The following PXDNL variants were observed in gnomAD, a reference collection of about 807,000 sequenced individuals.
The protein encoded by PXDNL is probable oxidoreductase PXDNL.
In PXDNL, 145 loss-of-function variants were observed where a neutral mutation model predicts 150.8. The observed-to-expected ratio is 0.96, with a 90% CI of 0.84 to 1.10. PXDNL has a LOEUF of 1.10. PXDNL is among the 50% of genes least tolerant of loss of function. PXDNL has a pLI of 0.00. For missense variants in PXDNL, 2,087 were observed against 1,873.9 expected, an observed-to-expected ratio of 1.11 and a Z score of -2.10; for synonymous variants, 757 against 725.7, an observed-to-expected ratio of 1.04 and a Z score of -0.69.
intron 2 of PXDNL, among the ~76,000 whole-genome samples, chr8:51,636,751 T>C (rs1210194657): frequency 2.6e-5 from 4 of 151,792 alleles, no homozygotes; most frequent in African/African-American, 9.7e-5. Context: ...AGATTACAAC[T>C]ACCAAAGTGA....
intron 1 of PXDNL, among the ~76,000 whole-genome samples, chr8:51,695,733 T>C (rs543757733): frequency 6.6e-6 from 1 of 152,310 alleles, no homozygotes; most frequent in South Asian, 2.1e-4. Flanking sequence ...TAAGAAAACA[T>C]GAGCTTTCTT....
intron 1 of PXDNL, among the ~76,000 whole-genome samples, chr8:51,751,966 AAG>A (rs1185885685): frequency 1.3e-5 from 2 of 152,218 alleles, no homozygotes; most frequent in East Asian, 3.9e-4. Context: ...ACAGGGGAGG[AAG>A]AGAGTTTTTA....
chr8:51,492,467 G>T (rs1156354197), intron 5 of PXDNL, among the ~76,000 whole-genome samples: 1 of 152,174 alleles, frequency 6.6e-6, no homozygotes, highest in Non-Finnish European at 1.5e-5. Context: ...CTGAGCATGA[G>T]CCAAAGCTGG....
chr8:51,556,993 G>C, intron 3 of PXDNL, 82 bp from the exon 4 acceptor site: 1 of 781,806 alleles, frequency 1.3e-6, no homozygotes. Flanking sequence ...TAAACTATAA[G>C]CTGTGGACCT....
chr8:51,644,771 T>TA (rs1158906549), intron 2 of PXDNL, among the ~76,000 whole-genome samples: 2 of 151,812 alleles, frequency 1.3e-5, no homozygotes, highest in East Asian at 3.9e-4. Context: ...TTTATATTTT[T>TA]AAAAAAATAA....
intron 2 of PXDNL, among the ~76,000 whole-genome samples, chr8:51,611,976 A>G (rs1585620616): frequency 6.6e-6 from 1 of 152,254 alleles, no homozygotes; most frequent in Admixed American, 6.5e-5. Context: ...GAGCAGATGC[A>G]GGCAGATCTG....
At chr8:51,478,265 T>C (rs1398624929) in intron 6 of PXDNL, among the ~76,000 whole-genome samples, 2 of 152,192 alleles carry the variant, frequency 1.3e-5, no homozygotes, top group African/African-American at 2.4e-5. Flanking sequence ...CTGTTCTCCA[T>C]TTTGAAAGTA....
chr8:51,652,045 T>C (rs569569124), intron 2 of PXDNL, among the ~76,000 whole-genome samples: 2 of 152,264 alleles, frequency 1.3e-5, no homozygotes, highest in South Asian at 2.1e-4. Flanking sequence ...TCTTTTACAA[T>C]ATAGAAGCAA....
intron 2 of PXDNL, among the ~76,000 whole-genome samples, chr8:51,631,071 A>G (rs1258583152): frequency 6.6e-6 from 1 of 152,218 alleles, no homozygotes; most frequent in Non-Finnish European, 1.5e-5. Flanking sequence ...AAAATGTAGT[A>G]TATATACACC....
At chr8:51,488,289 C>G (rs1810813067) in intron 5 of PXDNL, among the ~76,000 whole-genome samples, 1 of 152,118 alleles carries the variant, frequency 6.6e-6, no homozygotes, top group Non-Finnish European at 1.5e-5. Flanking sequence ...GAGAAAGCTG[C>G]AGCCCAGAGA....
At chr8:51,349,926 GA>G (rs752478646) in intron 19 of PXDNL, among the ~76,000 whole-genome samples, 1 of 152,014 alleles carries the variant, frequency 6.6e-6, no homozygotes, top group Non-Finnish European at 1.5e-5. Context: ...GCAAAAAGGG[GA>G]AAAGTACAAA....
chr8:51,371,935 T>A lies in PXDNL; in HGVS notation c.3839A>T (p.Asp1280Val). Reference sequence around the variant, plus strand: ...CGGGATCTCGCTGCAGTTCAGGTAATCCTGTGGGTATTCTGCCTTTACAAA... The same window carrying A: ...CGGGATCTCGCTGCAGTTCAGGTAAACCTGTGGGTATTCTGCCTTTACAAA... Reference protein sequence around the residue: ...DVFVKAEYPQDYLNCSEIPKV... With the variant: ...DVFVKAEYPQVYLNCSEIPKV... The change falls in exon 19 of 23, where the codon GAT becomes GTT. Residue 1280 changes from aspartate to valine, a missense_variant. Physicochemically the swap from Asp to Val is radical, Grantham distance 152. Transcript: ENST00000356297. The A allele has an allele frequency of 6.2e-7, 1 of 1,613,982 alleles. No homozygotes were observed.
intron 19 of PXDNL, among the ~76,000 whole-genome samples, chr8:51,361,058 C>A (rs1366936559): frequency 6.6e-6 from 1 of 152,148 alleles, no homozygotes; most frequent in Non-Finnish European, 1.5e-5. Flanking sequence ...AAGTGAGATC[C>A]CTGCCAGGCC....
intron 1 of PXDNL, among the ~76,000 whole-genome samples, chr8:51,790,647 C>A (rs912854042): frequency 6.6e-6 from 1 of 151,974 alleles, no homozygotes; most frequent in South Asian, 2.1e-4. Context: ...CAGCTCTCTG[C>A]GACACTGTCC....
chr8:51,383,617 T>C (rs1186467597), intron 17 of PXDNL, among the ~76,000 whole-genome samples: 2 of 152,142 alleles, frequency 1.3e-5, no homozygotes, highest in African/African-American at 4.8e-5. Flanking sequence ...TCTAACTGTG[T>C]TTAAATTTAC....
At chr8:51,699,896 G>A (rs1011714130) in intron 1 of PXDNL, among the ~76,000 whole-genome samples, 1 of 152,042 alleles carries the variant, frequency 6.6e-6, no homozygotes, top group African/African-American at 2.4e-5. Context: ...ATATGGACAT[G>A]GTTCGTAGCA....
chr8:51,804,232 A>G (rs187343430), intron 1 of PXDNL, among the ~76,000 whole-genome samples: 45 of 152,210 alleles, frequency 3.0e-4, no homozygotes, highest in Non-Finnish European at 7.3e-5. Flanking sequence ...TAAGAAACAA[A>G]TGGTTACATT....
intron 4 of PXDNL, among the ~76,000 whole-genome samples, chr8:51,513,547 AAGAG>A (rs1811470238): frequency 6.6e-6 from 1 of 152,232 alleles, no homozygotes; most frequent in South Asian, 2.1e-4. Context: ...TTAAATAAGA[AAGAG>A]AATGAAGCTA....
chr8:51,326,878 A>G (rs1181585870), intron 21 of PXDNL, among the ~76,000 whole-genome samples: 2 of 152,242 alleles, frequency 1.3e-5, no homozygotes, highest in East Asian at 3.9e-4. Context: ...AGTATTGCAG[A>G]TGTAACTAGT....
Sources: allele counts gnomAD v4.1 joint callset (sites outside exome capture counted in the v4.1 genomes callset), GRCh38; gene constraint gnomAD v4.1.1; transcripts MANE v1.5; gene names NCBI Gene and HGNC (gene_info 2026-07-23, HGNC 2026-07-21).